Variants in PYROXD2 observed in about 807,000 individuals in gnomAD.
PYROXD2 encodes the protein pyridine nucleotide-disulphide oxidoreductase domain 2, also known as pyridine nucleotide-disulfide oxidoreductase domain-containing protein 2.
A neutral mutation model predicts 71.1 loss-of-function variants in PYROXD2; 69 were observed. That is an observed-to-expected ratio of 0.97 (90% CI 0.80 to 1.19). The LOEUF (loss-of-function observed/expected upper bound fraction) is 1.19, where lower values mean the gene tolerates loss of function less well. Among genes scored for constraint, PYROXD2 ranks in the 50% most tolerant of loss-of-function variants. The probability of loss-of-function intolerance (pLI) is 0.00; values close to 1 mark genes in which losing one functional copy is unlikely to be tolerated. For synonymous variants in PYROXD2, 287 were observed against 302.7 expected, an observed-to-expected ratio of 0.95 and a Z score of 0.54; for missense variants, 745 against 748.9, an observed-to-expected ratio of 0.99 and a Z score of 0.06.
At chr10:98,384,713 CT>C (rs1842694780) in intron 15 of PYROXD2, among the ~76,000 whole-genome samples, 1 of 152,234 alleles carries the variant, frequency 6.6e-6, no homozygotes, top group Non-Finnish European at 1.5e-5. Flanking sequence ...ATCCCCAGGC[CT>C]CCTGAAGGGG....
intron 14 of PYROXD2, among the ~76,000 whole-genome samples, chr10:98,386,139 T>C (rs1372674570): frequency 1.4e-5 from 2 of 147,490 alleles, no homozygotes; most frequent in Non-Finnish European, 3.0e-5. Context: ...TAGCCAGGTG[T>C]GGTGGTGCAT....
chr10:98,407,922 T>C lies in PYROXD2; in HGVS notation c.223A>G (p.Thr75Ala). The change falls in exon 3 of 16, where the codon ACT becomes GCT. Residue 75 changes from threonine (T) to alanine (A), a missense_variant. By Grantham distance (58) the Thr-to-Ala change is moderately conservative (BLOSUM62 0). Coordinates refer to ENST00000370575, the MANE Select transcript of PYROXD2 (RefSeq NM_032709.3). ...AGCTCACCTGGGATGATCTCCTCAG[T>C]GACAGCTGCACCCCCGATCACATGG... Reference protein sequence around the residue: ...RRHVIGGAAVTEEIIPGFKFS... With the variant: ...RRHVIGGAAVAEEIIPGFKFS... 1 of 1,609,830 alleles carries C rather than the reference T, an allele frequency of 6.2e-7. No individual in the cohort carries two copies.
At chr10:98,389,566 T>A (rs1056270507) in intron 12 of PYROXD2, among the ~76,000 whole-genome samples, 10 of 152,156 alleles carry the variant, frequency 6.6e-5, no homozygotes, top group Admixed American at 2.0e-4. Flanking sequence ...CCAGCCACTC[T>A]GGCCTCGTCC....
At chr10:98,394,245 G>A (rs376660299) in intron 8 of PYROXD2, among the ~76,000 whole-genome samples, 6 of 152,152 alleles carry the variant, frequency 3.9e-5, no homozygotes, top group African/African-American at 9.7e-5. Context: ...GATCACAAAC[G>A]GAGCACTGGT....
In PYROXD2 at chr10:98,392,539, C is replaced by T; in HGVS notation, c.955G>A (p.Glu319Lys). The change falls in exon 10 of 16, where the codon GAA (glutamate) becomes AAA (lysine). Residue 319 changes from glutamate to lysine, a missense_variant. Transcript: ENST00000370575. ...AGCACAACTCCTTGAACACAGCCTT[C>T]ACTGTTCACCTGCACCTTCGCCACT... ...KTVAKVQVNS[E>K]GCVQGVVLED... is the part of the protein sequence containing the mutation. 1.9e-6 allele frequency: 3 copies of T among 1,612,922 alleles called. No homozygotes were observed. Among genetic ancestry groups the T allele is most frequent in the African/African-American group, 1.3e-5 (1 of 75,060 alleles).
intron 5 of PYROXD2, among the ~76,000 whole-genome samples, chr10:98,399,512 C>T (rs1344313120): frequency 6.6e-6 from 1 of 152,140 alleles, no homozygotes; most frequent in Non-Finnish European, 1.5e-5. Flanking sequence ...GAATGCAGTT[C>T]CAAGGGAAAA....
In PYROXD2 at chr10:98,390,672, G is replaced by C; in HGVS notation, c.1218C>G (p.Ile406Met). ...GQPLPHHQCS[I>M]HLNCEDTLLL... ...GGAGGGTGTCTTCACAGTTCAGGTG[G>C]ATGGAGCATTGGTGATGGGGCAGCG... The change falls in exon 12 of 16, where the codon ATC becomes ATG. Residue 406 changes from isoleucine to methionine, a missense_variant. By Grantham distance (10) the Ile-to-Met change is conservative (BLOSUM62 1). Transcript: ENST00000370575. 1 of 1,613,230 alleles carries C rather than the reference G, an allele frequency of 6.2e-7. No homozygotes were observed. The highest frequency in any genetic ancestry group is 8.5e-7 in the Non-Finnish European group (1 of 1,179,562).
Position 98,394,543 on chromosome 10 carries a change from A to AACACACACACAC in PYROXD2, c.785+641_785+652dup, listed in dbSNP as rs58461142. ...AACCCTTGGCTGCATTCTCCATCCC[A>AACACACACACAC]ACACACACACACACACACACACACA... On this transcript the variant is annotated intron_variant, in intron 8 of 15. Transcript: ENST00000370575. Among the ~76,000 whole-genome samples the AACACACACACAC allele has an allele frequency of 9.6e-3, 1,366 of 141,898 alleles. 11 individuals are homozygous for AACACACACACAC. The highest frequency in any genetic ancestry group is 0.029 in the East Asian group (135 of 4,716). The allele number at this position is 141,898 out of a possible 152,430, so 93.1% of individuals were successfully genotyped here. A position where few individuals can be genotyped will look rare whatever the true frequency, so the allele number is the denominator to read the frequency against.
intron 9 of PYROXD2, 110 bp from the exon 10 acceptor site, chr10:98,392,676 T>C: frequency 6.6e-7 from 1 of 1,512,072 alleles, no homozygotes; most frequent in East Asian, 2.3e-5. Flanking sequence ...AACTTCTTCA[T>C]CCCAAACCCA....
intron 8 of PYROXD2, among the ~76,000 whole-genome samples, chr10:98,394,601 C>T (rs1024234861): frequency 3.3e-5 from 5 of 151,076 alleles, no homozygotes; most frequent in Non-Finnish European, 7.4e-5. Context: ...CCTGCTTCTG[C>T]GGGGGCTCAT....
rs757615691 is a variant in PYROXD2, at chr10:98,387,296, T to C, written c.1459A>G (p.Ile487Val). The change falls in exon 14 of 16, where the codon ATC becomes GTC. Residue 487 changes from isoleucine (I) to valine (V), a missense_variant. By Grantham distance (29) the Ile-to-Val change is conservative. Coordinates refer to ENST00000370575, the MANE Select transcript of PYROXD2 (RefSeq NM_032709.3). ...DAYADRVFDC[I>V]EVYAPGFKDS... is the part of the protein sequence containing the mutation. Reference sequence around the variant, plus strand: ...TTGAAGCCAGGGGCATAGACCTCGATGCAATCAAACACTGGGGTGCCAAAA... The same window carrying C: ...TTGAAGCCAGGGGCATAGACCTCGACGCAATCAAACACTGGGGTGCCAAAA... 5 of 1,613,756 alleles carry C rather than the reference T, an allele frequency of 3.1e-6. No individual in the cohort carries two copies. The highest frequency in any genetic ancestry group is 4.2e-6 in the Non-Finnish European group (5 of 1,179,720).
At chr10:98,408,429 T>C (rs1365113203) in intron 2 of PYROXD2, among the ~76,000 whole-genome samples, 1 of 152,234 alleles carries the variant, frequency 6.6e-6, no homozygotes, top group Non-Finnish European at 1.5e-5. Context: ...TCCCTCGTTC[T>C]CTCTCTGCTG....
intron 5 of PYROXD2, 33 bp downstream of exon 5, chr10:98,400,069 A>G (rs574596738): frequency 1.2e-6 from 2 of 1,606,144 alleles, no homozygotes; most frequent in African/African-American, 2.7e-5. Flanking sequence ...CTGCTGAGGG[A>G]GCAGGAGCTC....
In PYROXD2 at chr10:98,403,893, A is replaced by G. The variant is rs190545664; in HGVS notation, c.316-3636T>C. ...TGGCACATAGCAGGTGCTCAGAAACATGGACTGAATGAACGAATAAACCCT... is the reference window on the plus strand; with the variant it reads ...TGGCACATAGCAGGTGCTCAGAAACGTGGACTGAATGAACGAATAAACCCT... On this transcript the variant is annotated intron_variant, in intron 4 of 15. Transcript: ENST00000370575. 6.6e-5 allele frequency among the ~76,000 whole-genome samples: 10 copies of G among 152,356 alleles called. No homozygotes were observed. The East Asian group carries it at 1.7e-3, about 26-fold the overall frequency.
At chr10:98,387,733 A>C (rs1235413511) in intron 13 of PYROXD2, 1 of 167,752 alleles carries the variant, frequency 6.0e-6, no homozygotes, top group African/African-American at 2.4e-5. Context: ...CTGGGTTCAA[A>C]CGATTCTCCT....
chr10:98,409,854 G>A (rs1469984203), intron 2 of PYROXD2, among the ~76,000 whole-genome samples: 1 of 152,108 alleles, frequency 6.6e-6, no homozygotes, highest in Non-Finnish European at 1.5e-5. Flanking sequence ...GAGGCAGGCG[G>A]GTCACCTGAG....
rs1042359352 is a variant in PYROXD2 at position 98,399,986 on chromosome 10, G to A, written c.471+116C>T. On this transcript the variant is annotated intron_variant, in intron 5 of 15. Coordinates refer to ENST00000370575, the MANE Select transcript of PYROXD2 (RefSeq NM_032709.3). Reference sequence around the variant, plus strand: ...CCAACTGGAGCCCTCCTAGGAACGTGGGGTGGCCTGGCGCAGTGTCCATGG... The same window carrying A: ...CCAACTGGAGCCCTCCTAGGAACGTAGGGTGGCCTGGCGCAGTGTCCATGG... 5 of 1,277,698 alleles carry A rather than the reference G, an allele frequency of 3.9e-6. No homozygotes were observed. The Admixed American group carries it at 1.3e-4, about 33-fold the overall frequency. 79.1% of individuals were successfully genotyped at this position (1,277,698 alleles called of 1,614,324 possible). A position where few individuals can be genotyped will look rare whatever the true frequency, so the allele number is the denominator to read the frequency against.
At chr10:98,406,076 A>G (rs1414703850) in intron 4 of PYROXD2, among the ~76,000 whole-genome samples, 1 of 152,190 alleles carries the variant, frequency 6.6e-6, no homozygotes, top group Non-Finnish European at 1.5e-5. Context: ...ATGTCCTGTT[A>G]AAACAAGGTG....
At chr10:98,405,304 G>C (rs1004173872) in intron 4 of PYROXD2, among the ~76,000 whole-genome samples, 1 of 152,176 alleles carries the variant, frequency 6.6e-6, no homozygotes, top group African/African-American at 2.4e-5. Flanking sequence ...GCGGGTCAGT[G>C]GAGGGTGCTT....
Sources: gnomAD v4.1 joint callset for allele counts (sites outside exome capture counted in the v4.1 genomes callset) on GRCh38, gnomAD v4.1.1 for gene constraint, MANE v1.5 for transcripts, NCBI Gene and HGNC (gene_info 2026-07-23, HGNC 2026-07-21) for gene names.